The following GRTP1 variants were observed in gnomAD, a reference collection of about 807,000 sequenced individuals.
GRTP1 encodes the protein growth hormone-regulated TBC protein 1.
In GRTP1, 56 loss-of-function variants were observed where a neutral mutation model predicts 38.1. The ratio of observed to expected loss-of-function variants is 1.47; its 90% confidence interval spans 1.19 to 1.84. The LOEUF (loss-of-function observed/expected upper bound fraction) is 1.84. GRTP1 is among the 40% of genes most tolerant of loss of function. The pLI, the probability that GRTP1 is intolerant of heterozygous loss-of-function variation, is 0.00. For missense variants in GRTP1, 506 were observed against 453.9 expected (o/e 1.11, Z -1.04); for synonymous variants, 217 against 189.5 (o/e 1.14, Z -1.19).
chr13:113,348,018 G>A lies in GRTP1; in HGVS notation c.465+2831C>T, dbSNP rs1408484160. ...GACCTGTGTGGCTGAGCGGACCTGG[G>A]AGGACCTGTCTGGCCGAGTGGACCC... On this transcript the variant is annotated intron_variant, in intron 4 of 7. Transcript: ENST00000375431. This position sits in a 1 kb window ranked among gnomAD's most constrained non-coding sequence, Gnocchi z 4.8. Among the ~76,000 whole-genome samples, 2 of 152,058 alleles carry A rather than the reference G, an allele frequency of 1.3e-5. No individual in the cohort carries two copies. Among genetic ancestry groups the A allele is most frequent in the Non-Finnish European group, 2.9e-5 (2 of 68,018 alleles).
chr13:113,346,090 AGACATCTGTGGCCG>A (rs1566429101), intron 4 of GRTP1, among the ~76,000 whole-genome samples: 4 of 10,904 alleles, frequency 3.7e-4, no homozygotes, highest in African/African-American at 1.3e-3. Flanking sequence ...AGACCTGGGA[AGACATCTGTGGCCG>A]AGAACAGACC....
intron 5 of GRTP1, among the ~76,000 whole-genome samples, chr13:113,337,995 C>G (rs950156469): frequency 6.6e-6 from 1 of 152,244 alleles, no homozygotes; most frequent in Admixed American, 6.5e-5. Context: ...ACCTGCTTCC[C>G]TATTTTTCAG....
chr13:113,350,385 G>C (rs1460060993), intron 4 of GRTP1, among the ~76,000 whole-genome samples: 1 of 151,910 alleles, frequency 6.6e-6, no homozygotes, highest in African/African-American at 2.4e-5. Context: ...GGCCTCAGAG[G>C]ACGACACACA....
At position 113,349,773 on chromosome 13, in the gene GRTP1, G is replaced by C. The variant is rs942631105; in HGVS notation, c.465+1076C>G. 6.6e-6 allele frequency among the ~76,000 whole-genome samples: 1 copy of C among 152,128 alleles called. No homozygotes were observed. Among genetic ancestry groups the C allele is most frequent in the African/African-American group, 2.4e-5 (1 of 41,420 alleles). ...CAGGCCCAGGGCTGTCCAGGCAGGG[G>C]CTCCACACTCCTCCAAACGTTCACT... On this transcript the variant is annotated intron_variant, in intron 4 of 7. Coordinates refer to ENST00000375431, the MANE Select transcript of GRTP1 (RefSeq NM_024719.4). The surrounding 1 kb of genome is among the most constrained non-coding windows in gnomAD (Gnocchi z 5.0).
chr13:113,354,781 C>T (rs771750454), intron 3 of GRTP1, among the ~76,000 whole-genome samples: 4 of 152,234 alleles, frequency 2.6e-5, no homozygotes, highest in African/African-American at 9.6e-5. Flanking sequence ...CCCTCCTCAG[C>T]CTCTCAAAGT....
At chr13:113,327,595 A>G (rs2042793708) in intron 5 of GRTP1, among the ~76,000 whole-genome samples, 1 of 152,224 alleles carries the variant, frequency 6.6e-6, no homozygotes, top group Non-Finnish European at 1.5e-5. Flanking sequence ...TTAATAGTAA[A>G]TACTAACGCC....
chr13:113,354,648 C>T (rs2043347205), intron 3 of GRTP1, among the ~76,000 whole-genome samples: 1 of 152,032 alleles, frequency 6.6e-6, no homozygotes, highest in Admixed American at 6.5e-5. Flanking sequence ...CCTGCCTCAG[C>T]CTCCCGAGTA....
chr13:113,364,035 C>A lies in GRTP1; in HGVS notation c.17G>T (p.Arg6Leu). 3 of 1,297,546 alleles carry A rather than the reference C, an allele frequency of 2.3e-6. No homozygotes were observed. The highest frequency in any genetic ancestry group is 1.9e-6 in the Non-Finnish European group (2 of 1,027,056). 80.4% of individuals were successfully genotyped at this position (1,297,546 alleles called of 1,614,324 possible). The part of the protein sequence containing the change: MQPAE[R>L]SRVPRIDPYG... ...CGCCACACACCTGGGGACCCGCGAG[C>A]GCTCGGCGGGCTGCATGCGGGGAGG... Residue 6 changes from arginine (R) to leucine (L), a missense_variant, in exon 1 of 8, where the codon CGC (arginine) becomes CTC (leucine). Coordinates refer to ENST00000375431, the MANE Select transcript of GRTP1 (RefSeq NM_024719.4).
intron 2 of GRTP1, 72 bp downstream of exon 2, chr13:113,363,690 C>G (rs2043543017): frequency 2.0e-6 from 3 of 1,477,212 alleles, no homozygotes; most frequent in South Asian, 1.2e-5. Context: ...TCCGGGAGCC[C>G]GGACTTTGCC....
At position 113,324,395 on chromosome 13, in the gene GRTP1, A is replaced by C; in HGVS notation, c.*93T>G. ...TGTAGTGATGTCAAGTATTTACAAC[A>C]CTAAAAAGGAAAGCAGTGAAAGTTG... On this transcript the variant is annotated 3_prime_UTR_variant, in exon 8 of 8. Transcript: ENST00000375431. The C allele has an allele frequency of 7.1e-7, 1 of 1,414,186 alleles. No individual in the cohort carries two copies. The highest frequency in any genetic ancestry group is 9.3e-7 in the Non-Finnish European group (1 of 1,079,376). The allele number at this position is 1,414,186 out of a possible 1,614,324, so 87.6% of individuals were successfully genotyped here. A position where few individuals can be genotyped will look rare whatever the true frequency, so the allele number is the denominator to read the frequency against.
At position 113,347,179 on chromosome 13, in the gene GRTP1, C is replaced by T. The variant is rs1378152676; in HGVS notation, c.466-2220G>A. Reference sequence around the variant, plus strand: ...CCGGGAGGACCTCTGTGGCAGAGAGCAGACCCAGGAGGACCTCTGTGGCCG... The same window carrying T: ...CCGGGAGGACCTCTGTGGCAGAGAGTAGACCCAGGAGGACCTCTGTGGCCG... On this transcript the variant is annotated intron_variant, in intron 4 of 7. Coordinates refer to ENST00000375431, the MANE Select transcript of GRTP1 (RefSeq NM_024719.4). Among the ~76,000 whole-genome samples the T allele has an allele frequency of 1.8e-4, 16 of 88,802 alleles. 1 individual carries two copies. The highest frequency in any genetic ancestry group is 9.5e-4 in the East Asian group (3 of 3,168). 58.3% of individuals were successfully genotyped at this position (88,802 alleles called of 152,430 possible). A position where few individuals can be genotyped will look rare whatever the true frequency, so the allele number is the denominator to read the frequency against.
intron 3 of GRTP1, among the ~76,000 whole-genome samples, chr13:113,352,246 A>T (rs1340073310): frequency 1.2e-5 from 1 of 86,144 alleles, no homozygotes; most frequent in East Asian, 5.2e-4. Flanking sequence ...ATATATATTT[A>T]TATATATTTA....
At chr13:113,344,220 C>T (rs565713511) in intron 5 of GRTP1, among the ~76,000 whole-genome samples, 28 of 152,250 alleles carry the variant, frequency 1.8e-4, no homozygotes, top group African/African-American at 6.5e-4. Context: ...ATACAAACCA[C>T]ACCGTGGCCC....
chr13:113,333,838 A>ATTTAGTGTGTGT (rs749095615), intron 5 of GRTP1, among the ~76,000 whole-genome samples: 3 of 23,546 alleles, frequency 1.3e-4, no homozygotes, highest in Non-Finnish European at 3.5e-4. Flanking sequence ...TTATTTATTT[A>ATTTAGTGTGTGT]GTGTGTGTGT....
intron 5 of GRTP1, among the ~76,000 whole-genome samples, chr13:113,332,962 T>TG (rs1240055169): frequency 6.6e-6 from 1 of 152,202 alleles, no homozygotes; most frequent in Non-Finnish European, 1.5e-5. Flanking sequence ...CACACAGCAC[T>TG]GACCAACCGC....
At chr13:113,327,780 A>G (rs2042796407) in intron 5 of GRTP1, among the ~76,000 whole-genome samples, 1 of 152,212 alleles carries the variant, frequency 6.6e-6, no homozygotes, top group South Asian at 2.1e-4. Flanking sequence ...GTGAAGAACC[A>G]TCAATCAGTG....
intron 5 of GRTP1, among the ~76,000 whole-genome samples, chr13:113,336,286 G>A (rs994106058): frequency 2.4e-4 from 30 of 126,820 alleles, no homozygotes; most frequent in African/African-American, 8.7e-4. Flanking sequence ...ACCCAGCAGT[G>A]GGAATAAGGT....
intron 3 of GRTP1, 39 bp downstream of exon 3, chr13:113,355,284 C>T: frequency 1.2e-6 from 2 of 1,605,426 alleles, no homozygotes; most frequent in Admixed American, 1.7e-5. Context: ...CCTTCCGGCC[C>T]CCGGGCCCTG....
intron 2 of GRTP1, 27 bp downstream of exon 2, chr13:113,363,735 G>A (rs1335397987): frequency 5.6e-6 from 9 of 1,594,950 alleles, no homozygotes; most frequent in Non-Finnish European, 6.8e-6. Flanking sequence ...TGCGCCCTCG[G>A]GACCCACCTG....
Sources: allele counts gnomAD v4.1 joint callset (sites outside exome capture counted in the v4.1 genomes callset), GRCh38; gene constraint gnomAD v4.1.1; non-coding constraint Gnocchi (gnomAD v3.1); transcripts MANE v1.5; gene names NCBI Gene and HGNC (gene_info 2026-07-23, HGNC 2026-07-21).